Variants in WDR20 observed in about 807,000 individuals in gnomAD.
WDR20 encodes WD repeat domain 20, also known as WD repeat-containing protein 20.
A neutral mutation model predicts 38.7 loss-of-function variants in WDR20; 3 were observed. The observed-to-expected ratio is 0.08, with a 90% CI of 0.04 to 0.20. The LOEUF is 0.20. WDR20 is among the 10% of genes least tolerant of loss of function. The pLI is 1.00. For missense variants in WDR20, 559 were observed against 727.7 expected, an observed-to-expected ratio of 0.77 and a Z score of 2.67; for synonymous variants, 298 against 285.6, an observed-to-expected ratio of 1.04 and a Z score of -0.44.
chr14:102,188,539 C>T (rs951403827), intron 1 of WDR20, among the ~76,000 whole-genome samples: 1 of 152,016 alleles, frequency 6.6e-6, no homozygotes, highest in African/African-American at 2.4e-5. Context: ...GCTAAACTGA[C>T]CCAGCTGACT....
chr14:102,158,875 A>G (rs1463878318), intron 1 of WDR20, among the ~76,000 whole-genome samples: 1 of 152,028 alleles, frequency 6.6e-6, no homozygotes, highest in African/African-American at 2.4e-5. Flanking sequence ...GTTTCCTACA[A>G]ACGTGTCGCT....
intron 1 of WDR20, among the ~76,000 whole-genome samples, chr14:102,143,311 C>T (rs1447304527): frequency 6.6e-6 from 1 of 152,052 alleles, no homozygotes; most frequent in Non-Finnish European, 1.5e-5. Context: ...TAGATTAAAA[C>T]ATCTTTTCAC....
chr14:102,174,685 C>T (rs901230606), intron 1 of WDR20, among the ~76,000 whole-genome samples: 1 of 152,198 alleles, frequency 6.6e-6, no homozygotes, highest in Non-Finnish European at 1.5e-5. Flanking sequence ...TCCCAAAGTG[C>T]TGGGACTACA....
At chr14:102,180,277 A>G (rs531392666) in intron 1 of WDR20, among the ~76,000 whole-genome samples, 1 of 152,316 alleles carries the variant, frequency 6.6e-6, no homozygotes, top group South Asian at 2.1e-4. Flanking sequence ...TCACTGTTGT[A>G]TTAACCCCAT....
Position 102,209,661 on chromosome 14 carries a change from A to G in WDR20, c.1491A>G (p.Leu497=). ...GCAAGAGCAGTGACAAACTGAATCT[A>G]GTTACCAAAACCAAAACGGACCCTG... ...ISSKSSDKLN[L]VTKTKTDPAK... The change falls in exon 3 of 3, where the codon CTA becomes CTG. Residue 497 remains leucine, a synonymous_variant. Transcript: ENST00000342702. The surrounding 1 kb of genome is among the most constrained non-coding windows in gnomAD (Gnocchi z 6.0). 6.2e-7 allele frequency: 1 copy of G among 1,614,198 alleles called. No individual in the cohort carries two copies. The highest frequency in any genetic ancestry group is 1.3e-5 in the African/African-American group (1 of 75,056).
intron 1 of WDR20, among the ~76,000 whole-genome samples, chr14:102,173,929 A>T (rs185256157): frequency 1.6e-4 from 24 of 151,984 alleles, no homozygotes; most frequent in Middle Eastern, 3.4e-3. Context: ...CTGTAGTCTC[A>T]GCTACTCGGG....
At chr14:102,185,285 T>C (rs1485004118) in intron 1 of WDR20, among the ~76,000 whole-genome samples, 4 of 152,210 alleles carry the variant, frequency 2.6e-5, no homozygotes, top group Non-Finnish European at 5.9e-5. Context: ...CTGGGACTTA[T>C]ATTATTCCAT....
rs775543206 is a variant in WDR20, at chr14:102,208,877, C to T, written c.707C>T (p.Ala236Val). ...FAFSPDGKFL[A>V]CVSQDGFLRV... ...TTCTCCCCAGATGGCAAGTTCTTAG[C>T]GTGCGTGAGCCAGGACGGGTTTCTG... Residue 236 changes from alanine (A) to valine (V), a missense_variant, in exon 3 of 3, where the codon GCG (alanine) becomes GTG (valine). Transcript: ENST00000342702. The surrounding 1 kb of genome is among the most constrained non-coding windows in gnomAD (Gnocchi z 5.6). 57 of 1,614,068 alleles carry T rather than the reference C, an allele frequency of 3.5e-5. No individual in the cohort carries two copies. Among genetic ancestry groups the T allele is most frequent in the South Asian group, 2.4e-4 (22 of 91,084 alleles).
At chr14:102,144,318 A>G (rs1566776760) in intron 1 of WDR20, among the ~76,000 whole-genome samples, 1 of 152,046 alleles carries the variant, frequency 6.6e-6, no homozygotes, top group Non-Finnish European at 1.5e-5. Flanking sequence ...CCCCATCTCT[A>G]CTAAAAATAC....
At chr14:102,166,014 CAG>C (rs2059700908) in intron 1 of WDR20, among the ~76,000 whole-genome samples, 1 of 151,900 alleles carries the variant, frequency 6.6e-6, no homozygotes, top group Admixed American at 6.6e-5. Flanking sequence ...TTTTTAAAGA[CAG>C]GGTCTCACTT....
At chr14:102,193,122 A>AG (rs957146089) in intron 1 of WDR20, among the ~76,000 whole-genome samples, 34 of 148,414 alleles carry the variant, frequency 2.3e-4, no homozygotes, top group African/African-American at 7.9e-4. Context: ...TTATATTTGT[A>AG]GGTTTTTTTT....
At chr14:102,177,925 A>G (rs2062514353) in intron 1 of WDR20, among the ~76,000 whole-genome samples, 1 of 152,170 alleles carries the variant, frequency 6.6e-6, no homozygotes, top group East Asian at 1.9e-4. Context: ...TTCTTTTCTT[A>G]TCTGCAATCC....
intron 1 of WDR20, among the ~76,000 whole-genome samples, chr14:102,140,460 T>G (rs947347262): frequency 1.1e-4 from 16 of 151,998 alleles, no homozygotes; most frequent in Non-Finnish European, 4.4e-5. Flanking sequence ...GCCTGGTCCA[T>G]CAGGCTCTGA....
intron 1 of WDR20, among the ~76,000 whole-genome samples, chr14:102,186,349 C>T (rs1236315315): frequency 2.0e-5 from 3 of 152,108 alleles, no homozygotes; most frequent in Admixed American, 6.6e-5. Flanking sequence ...TTAAACTGTT[C>T]GCCTACACAT....
chr14:102,212,844 A>G, downstream of WDR20: 1 of 1,289,184 alleles, frequency 7.8e-7, no homozygotes, highest in Non-Finnish European at 9.9e-7. Flanking sequence ...CCTAAACGTT[A>G]TTATGAGCAA....
At chr14:102,149,834 AG>A (rs2055095716) in intron 1 of WDR20, among the ~76,000 whole-genome samples, 1 of 152,144 alleles carries the variant, frequency 6.6e-6, no homozygotes, top group African/African-American at 2.4e-5. Flanking sequence ...CTGGGACTGC[AG>A]GCACATGCCA....
intron 1 of WDR20, among the ~76,000 whole-genome samples, chr14:102,146,531 A>G (rs1458181117): frequency 6.6e-6 from 1 of 152,178 alleles, no homozygotes; most frequent in African/African-American, 2.4e-5. Flanking sequence ...GATAAAAGCT[A>G]AAGTATTTTT....
intron 1 of WDR20, among the ~76,000 whole-genome samples, chr14:102,176,499 C>G (rs1164739075): frequency 6.6e-6 from 1 of 152,010 alleles, no homozygotes; most frequent in Non-Finnish European, 1.5e-5. Flanking sequence ...GAAATCGAGA[C>G]TATCCTGGCT....
chr14:102,178,391 C>CA (rs34653819), intron 1 of WDR20, among the ~76,000 whole-genome samples: 39 of 143,324 alleles, frequency 2.7e-4, no homozygotes, highest in African/African-American at 7.2e-4. Context: ...GACTCTGTCT[C>CA]AAAAAAAAAA....
Sources: gnomAD v4.1 joint callset for allele counts (sites outside exome capture counted in the v4.1 genomes callset) on GRCh38, gnomAD v4.1.1 for gene constraint, Gnocchi (gnomAD v3.1) non-coding constraint, MANE v1.5 for transcripts, NCBI Gene and HGNC (gene_info 2026-07-23, HGNC 2026-07-21) for gene names.